Variants in NRF1 observed in about 807,000 individuals in gnomAD.
The protein encoded by NRF1 is alpha palindromic-binding protein.
A neutral mutation model predicts 58.5 loss-of-function variants in NRF1; 5 were observed. That is an observed-to-expected ratio of 0.09 (90% confidence interval 0.04 to 0.18). NRF1 has a LOEUF of 0.18. Among genes scored for constraint, NRF1 ranks in the 10% least tolerant of loss-of-function variants. The pLI, the probability that NRF1 is intolerant of heterozygous loss-of-function variation, is 1.00. For missense variants in NRF1, 288 were observed against 657.7 expected, an observed-to-expected ratio of 0.44 and a Z score of 6.15; for synonymous variants, 224 against 246.7, an observed-to-expected ratio of 0.91 and a Z score of 0.86.
intron 5 of NRF1, among the ~76,000 whole-genome samples, chr7:129,692,468 G>A (rs535246429): frequency 6.6e-6 from 1 of 152,200 alleles, no homozygotes; most frequent in African/African-American, 2.4e-5. Flanking sequence ...TGGGAGGATC[G>A]TTTGAGCCCC....
rs548587993 is a variant in NRF1, at chr7:129,695,074, G to C, written c.606+4528G>C. Among the ~76,000 whole-genome samples, 311 of 152,146 alleles carry C rather than the reference G, an allele frequency of 2.0e-3. 3 individuals are homozygous for C. Among genetic ancestry groups the C allele is most frequent in the African/African-American group, 6.7e-3 (279 of 41,504 alleles). ...CTTTATTGCAGTGAATTATATTTGT[G>C]GTATGTTAAATTAAAAAACTGATTG... On this transcript the variant is annotated intron_variant, in intron 5 of 10. Transcript: ENST00000393232.
intron 4 of NRF1, among the ~76,000 whole-genome samples, chr7:129,682,613 G>C (rs1802344383): frequency 7.0e-6 from 1 of 142,872 alleles, no homozygotes; most frequent in African/African-American, 2.6e-5. Flanking sequence ...GTGAGACCCT[G>C]TCTCTGCAAA....
At chr7:129,635,186 T>C (rs1464550580) in intron 1 of NRF1, among the ~76,000 whole-genome samples, 1 of 151,710 alleles carries the variant, frequency 6.6e-6, no homozygotes, top group Non-Finnish European at 1.5e-5. Context: ...TTAATTTGAC[T>C]ATATAGAATA....
At chr7:129,745,074 C>G (rs1166617361) in intron 10 of NRF1, among the ~76,000 whole-genome samples, 1 of 152,168 alleles carries the variant, frequency 6.6e-6, no homozygotes, top group Non-Finnish European at 1.5e-5. Context: ...TGAGTAACTC[C>G]TGAGTGGGCC....
intron 10 of NRF1, among the ~76,000 whole-genome samples, chr7:129,747,465 G>A (rs559293989): frequency 1.8e-4 from 28 of 152,210 alleles, no homozygotes; most frequent in Middle Eastern, 3.4e-3. Flanking sequence ...TCTGTTTCCC[G>A]AGAGCTTTAG....
At chr7:129,658,872 AACT>A (rs1795463884) in intron 2 of NRF1, among the ~76,000 whole-genome samples, 1 of 152,206 alleles carries the variant, frequency 6.6e-6, no homozygotes, top group South Asian at 2.1e-4. Flanking sequence ...CCAATACAAC[AACT>A]ATTTGTATAG....
At chr7:129,719,522 ACACACACACACACACACACAC>A (rs1803268623) in intron 9 of NRF1, among the ~76,000 whole-genome samples, 1 of 151,278 alleles carries the variant, frequency 6.6e-6, no homozygotes, top group African/African-American at 2.4e-5. Context: ...ACACACACAC[ACACACACACACACACACACAC>A]AACACATCTT....
intron 1 of NRF1, chr7:129,629,936 C>T (rs1163252281): frequency 6.6e-6 from 1 of 152,156 alleles, no homozygotes; most frequent in Admixed American, 6.5e-5. Flanking sequence ...AGGCAAATAG[C>T]ATCTTATTTA....
At chr7:129,641,608 C>T (rs944401930) in intron 1 of NRF1, 1 of 152,172 alleles carries the variant, frequency 6.6e-6, no homozygotes, top group Non-Finnish European at 1.5e-5. Context: ...TACGATTACT[C>T]AAAATGTTTA....
chr7:129,654,934 C>CAGTA, intron 1 of NRF1, among the ~76,000 whole-genome samples: 1 of 152,208 alleles, frequency 6.6e-6, no homozygotes, highest in African/African-American at 2.4e-5. Flanking sequence ...TTTGGCTGTT[C>CAGTA]TGGGTCTTTT....
chr7:129,695,908 T>C (rs1802681447), intron 5 of NRF1, among the ~76,000 whole-genome samples: 2 of 151,580 alleles, frequency 1.3e-5, no homozygotes, highest in Admixed American at 6.6e-5. Flanking sequence ...TCCTATTTTA[T>C]ATTAAACTTG....
chr7:129,645,265 A>C (rs1183519187), intron 1 of NRF1, among the ~76,000 whole-genome samples: 4 of 152,228 alleles, frequency 2.6e-5, no homozygotes, highest in African/African-American at 9.6e-5. Context: ...ACTAAGACAG[A>C]AAAAGTCAAA....
intron 1 of NRF1, among the ~76,000 whole-genome samples, chr7:129,644,786 T>C (rs1801368162): frequency 6.6e-6 from 1 of 152,198 alleles, no homozygotes; most frequent in Non-Finnish European, 1.5e-5. Flanking sequence ...AAATTCCCCA[T>C]GCTGTCTTTA....
At chr7:129,692,263 G>GT (rs1381419812) in intron 5 of NRF1, among the ~76,000 whole-genome samples, 1 of 152,100 alleles carries the variant, frequency 6.6e-6, no homozygotes, top group Admixed American at 6.6e-5. Flanking sequence ...CATCATAGTA[G>GT]TTTTTTAAAA....
chr7:129,701,619 A>AG (rs1315694673), intron 5 of NRF1, among the ~76,000 whole-genome samples: 1 of 151,844 alleles, frequency 6.6e-6, no homozygotes, highest in Non-Finnish European at 1.5e-5. Flanking sequence ...AGAAAAAAAA[A>AG]AGAGAGAAAA....
intron 3 of NRF1, among the ~76,000 whole-genome samples, chr7:129,677,070 G>A (rs1363465976): frequency 6.9e-6 from 1 of 144,356 alleles, no homozygotes; most frequent in East Asian, 2.1e-4. Flanking sequence ...GAGTGCAGTG[G>A]CACCATCTTG....
At chr7:129,619,601 A>G (rs117134906) in intron 1 of NRF1, among the ~76,000 whole-genome samples, 1 of 148,566 alleles carries the variant, frequency 6.7e-6, no homozygotes, top group Admixed American at 6.7e-5. Flanking sequence ...ACAGAATCTA[A>G]CTTAGTAGAA....
At chr7:129,693,845 ACTC>A (rs1400319475) in intron 5 of NRF1, among the ~76,000 whole-genome samples, 2 of 151,674 alleles carry the variant, frequency 1.3e-5, no homozygotes, top group Admixed American at 6.6e-5. Context: ...TGTTAGGTAA[ACTC>A]CTCTCCTGTG....
intron 2 of NRF1, among the ~76,000 whole-genome samples, chr7:129,667,520 A>G (rs1801948717): frequency 6.6e-6 from 1 of 151,836 alleles, no homozygotes; most frequent in African/African-American, 2.4e-5. Flanking sequence ...AATAATATGT[A>G]TTGTAATTAT....
Sources: gnomAD v4.1 joint callset for allele counts (sites outside exome capture counted in the v4.1 genomes callset) on GRCh38, gnomAD v4.1.1 for gene constraint, MANE v1.5 for transcripts, NCBI Gene and HGNC (gene_info 2026-07-23, HGNC 2026-07-21) for gene names.